COL14A1: variants seen among roughly 807,000 people sequenced by gnomAD.
The protein encoded by COL14A1 is collagen type XIV alpha 1 chain, also known as collagen alpha-1(XIV) chain.
A neutral mutation model predicts 230.3 loss-of-function variants in COL14A1; 136 were observed. That is an observed-to-expected ratio of 0.59 (90% confidence interval 0.51 to 0.68). The LOEUF (loss-of-function observed/expected upper bound fraction) is 0.68, where lower values mean the gene tolerates loss of function less well. Ranked by LOEUF, COL14A1 falls within the 30% of genes least tolerant of loss-of-function variation. COL14A1 has a pLI of 0.00. For synonymous variants in COL14A1, 792 were observed against 784.1 expected (o/e 1.01, Z -0.17); for missense variants, 1,976 against 2,215.8 (o/e 0.89, Z 2.17).
intron 26 of COL14A1, 52 bp downstream of exon 26, chr8:120,270,226 C>T (rs1205398660): frequency 2.3e-5 from 36 of 1,533,586 alleles, no homozygotes; most frequent in Non-Finnish European, 2.9e-5. Context: ...ATTATTTCTC[C>T]AGCTCTTATT....
At chr8:120,291,745 A>C (rs992376367) in intron 34 of COL14A1, among the ~76,000 whole-genome samples, 4 of 152,078 alleles carry the variant, frequency 2.6e-5, no homozygotes, top group African/African-American at 9.7e-5. Context: ...TATTGAAGAA[A>C]GTCTATAACA....
In COL14A1 at chr8:120,316,014, G is replaced by T. The variant is rs772067543; in HGVS notation, c.4659+17G>T. 4 of 1,613,790 alleles carry T rather than the reference G, an allele frequency of 2.5e-6. No individual in the cohort carries two copies. In the South Asian group the frequency reaches 3.3e-5, roughly 13 times the overall value. On this transcript the variant is annotated intron_variant, in intron 40 of 47. Transcript: ENST00000297848. ...GGCCAGAGGGTAAGGTCTTGCCCAA[G>T]GTTGGTTTTTAGCAAAGTAGTGACC...
In COL14A1 at chr8:120,371,629, T is replaced by C. The variant is rs1388759009; in HGVS notation, c.*398T>C. ...CTAGCAGGAAAAGAATTCAAAGAGGTTCAAAGAATATGTCACTTACTCCTA... is the reference window on the plus strand; with the variant it reads ...CTAGCAGGAAAAGAATTCAAAGAGGCTCAAAGAATATGTCACTTACTCCTA... On this transcript the variant is annotated 3_prime_UTR_variant, in exon 48 of 48. Transcript: ENST00000297848. The C allele has an allele frequency of 7.5e-6, 3 of 398,542 alleles. No individual in the cohort carries two copies. The East Asian group carries it at 1.1e-4, about 14-fold the overall frequency. The allele number at this position is 398,542 out of a possible 1,614,324, so 24.7% of individuals were successfully genotyped here. A position where few individuals can be genotyped will look rare whatever the true frequency, so the allele number is the denominator to read the frequency against.
intron 19 of COL14A1, among the ~76,000 whole-genome samples, chr8:120,232,252 C>T (rs1177371042): frequency 2.0e-5 from 3 of 151,954 alleles, no homozygotes; most frequent in African/African-American, 7.3e-5. Context: ...AAATGATACA[C>T]TCTTTTTTTC....
chr8:120,138,280 A>C (rs548267684), intron 1 of COL14A1, among the ~76,000 whole-genome samples: 1 of 152,268 alleles, frequency 6.6e-6, no homozygotes, highest in African/African-American at 2.4e-5. Context: ...TTGAAACTCC[A>C]TTATTAAATT....
intron 1 of COL14A1, among the ~76,000 whole-genome samples, chr8:120,130,430 C>T (rs1248440980): frequency 1.3e-5 from 2 of 152,046 alleles, no homozygotes; most frequent in African/African-American, 2.4e-5. Flanking sequence ...GTTTCCTCTG[C>T]CTCCTCATCT....
In COL14A1 at chr8:120,216,429, C is replaced by G. The variant is rs1817753044; in HGVS notation, c.1676C>G (p.Ser559Ter). Residue 559 changes from serine (S) to a stop codon, truncating the protein, a stop_gained, in exon 14 of 48, where the codon TCA becomes TGA. Coordinates refer to ENST00000297848, the MANE Select transcript of COL14A1 (RefSeq NM_021110.4). LOFTEE classifies it high-confidence loss of function. Reference protein sequence around the residue: ...NSARLTWDPTSRQINGYRIVY... With the variant: ...NSARLTWDPT ...GCTCGATTAACCTGGGACCCAACTT[C>G]AAGACAGATCAATGGTTATCGAATT... is the stretch of plus-strand genomic sequence containing the variant. 1 of 1,613,734 alleles carries G rather than the reference C, an allele frequency of 6.2e-7. No homozygotes were observed. The highest frequency in any genetic ancestry group is 8.5e-7 in the Non-Finnish European group (1 of 1,179,842).
At chr8:120,340,355 G>A (rs1194180714) in intron 42 of COL14A1, among the ~76,000 whole-genome samples, 1 of 152,150 alleles carries the variant, frequency 6.6e-6, no homozygotes, top group Non-Finnish European at 1.5e-5. Context: ...TTTCTGGGAA[G>A]CCAGTTTACC....
chr8:120,354,834 A>T (rs1822920070), intron 45 of COL14A1, among the ~76,000 whole-genome samples: 1 of 152,208 alleles, frequency 6.6e-6, no homozygotes, highest in Non-Finnish European at 1.5e-5. Flanking sequence ...TCATTTGCAT[A>T]ACATCATGCT....
chr8:120,133,084 C>T (rs1165279262), intron 1 of COL14A1, among the ~76,000 whole-genome samples: 3 of 151,884 alleles, frequency 2.0e-5, no homozygotes, highest in Non-Finnish European at 4.4e-5. Flanking sequence ...GGCATGGTGG[C>T]GCGTGCCTGT....
chr8:120,225,010 C>A (rs1303880820), intron 14 of COL14A1, 78 bp from the exon 15 acceptor site: 2 of 1,376,190 alleles, frequency 1.5e-6, no homozygotes, highest in African/African-American at 1.5e-5. Flanking sequence ...GTCAGCTAAG[C>A]GAGCTACAGA....
intron 28 of COL14A1, among the ~76,000 whole-genome samples, chr8:120,279,203 G>A (rs1819956761): frequency 1.3e-5 from 2 of 151,992 alleles, no homozygotes; most frequent in South Asian, 2.1e-4. Flanking sequence ...ATGCATGCAG[G>A]GCTTAAAACC....
chr8:120,336,742 C>T (rs991154344), intron 42 of COL14A1, among the ~76,000 whole-genome samples: 5 of 152,178 alleles, frequency 3.3e-5, no homozygotes, highest in Non-Finnish European at 7.3e-5. Flanking sequence ...GGAGTTCAGT[C>T]ACACATTATT....
At chr8:120,141,592 C>A (rs945435122) in intron 1 of COL14A1, among the ~76,000 whole-genome samples, 1 of 152,056 alleles carries the variant, frequency 6.6e-6, no homozygotes, top group South Asian at 2.1e-4. Context: ...TAAAGATAAG[C>A]TATGGTTACA....
At chr8:120,166,576 C>A (rs531423944) in intron 4 of COL14A1, among the ~76,000 whole-genome samples, 1 of 152,230 alleles carries the variant, frequency 6.6e-6, no homozygotes, top group South Asian at 2.1e-4. Context: ...CAATCTTTCT[C>A]ATATTAAAGT....
chr8:120,216,888 G>C (rs1020486271), intron 14 of COL14A1, among the ~76,000 whole-genome samples: 3 of 152,206 alleles, frequency 2.0e-5, no homozygotes, highest in Non-Finnish European at 4.4e-5. Flanking sequence ...CAAACAGAGA[G>C]AGAGCTAAGT....
chr8:120,323,914 T>G (rs894741838), intron 40 of COL14A1, among the ~76,000 whole-genome samples: 22 of 152,196 alleles, frequency 1.4e-4, no homozygotes, highest in African/African-American at 4.6e-4. Flanking sequence ...GATAATGTCC[T>G]TTTAAGCAAC....
At chr8:120,206,816 C>T in intron 9 of COL14A1, 127 bp from the exon 10 acceptor site, 6 of 909,334 alleles carry the variant, frequency 6.6e-6, no homozygotes, top group South Asian at 6.4e-5. Context: ...ACTGAATCAA[C>T]TTATCTAAAG....
intron 36 of COL14A1, among the ~76,000 whole-genome samples, chr8:120,301,121 G>A (rs146026647): frequency 1.4e-3 from 215 of 152,136 alleles, no homozygotes; most frequent in African/African-American, 5.0e-3. Flanking sequence ...TTAATTTTCG[G>A]TGTGAATATT....
Sources: allele counts gnomAD v4.1 joint callset (sites outside exome capture counted in the v4.1 genomes callset), GRCh38; gene constraint gnomAD v4.1.1; transcripts MANE v1.5; gene names NCBI Gene and HGNC (gene_info 2026-07-23, HGNC 2026-07-21).